Variants in ARL15 observed in about 807,000 individuals in gnomAD.
ARL15 encodes the protein ADP-ribosylation factor-like protein 15.
ARL15 carries 19 observed loss-of-function variants against 25.2 expected under a neutral mutation model. That is an observed-to-expected ratio of 0.75 (90% CI 0.53 to 1.10). The LOEUF (loss-of-function observed/expected upper bound fraction) is 1.10. Among genes scored for constraint, ARL15 ranks in the 50% least tolerant of loss-of-function variants. The pLI is 0.00. For synonymous variants in ARL15, 94 were observed against 86.8 expected (o/e 1.08, Z -0.46); for missense variants, 220 against 246.0 (o/e 0.89, Z 0.71).
chr5:53,956,336 A>G (rs1747153973), intron 4 of ARL15, among the ~76,000 whole-genome samples: 1 of 151,654 alleles, frequency 6.6e-6, no homozygotes, highest in Admixed American at 6.6e-5. Context: ...GAAAAGAAAG[A>G]CTGATTTCCA....
chr5:53,946,636 AT>A (rs1746745421), intron 4 of ARL15, among the ~76,000 whole-genome samples: 1 of 152,118 alleles, frequency 6.6e-6, no homozygotes, highest in Admixed American at 6.5e-5. Context: ...TGAATAGAAG[AT>A]TCCTAGGTAA....
intron 4 of ARL15, among the ~76,000 whole-genome samples, chr5:54,061,295 G>C (rs907212872): frequency 6.6e-6 from 1 of 152,198 alleles, no homozygotes; most frequent in Non-Finnish European, 1.5e-5. Context: ...TGTTGAGCTT[G>C]AGGCTGCATA....
intron 1 of ARL15, among the ~76,000 whole-genome samples, chr5:54,200,756 C>T (rs1579904842): frequency 6.6e-6 from 1 of 152,140 alleles, no homozygotes; most frequent in South Asian, 2.1e-4. Context: ...ACATTTCACC[C>T]TGGCAATAAG....
chr5:54,285,888 G>A (rs1034443964), intron 1 of ARL15, among the ~76,000 whole-genome samples: 4 of 152,132 alleles, frequency 2.6e-5, no homozygotes, highest in African/African-American at 9.7e-5. Flanking sequence ...CAAGGTACAT[G>A]GGAACGCTAA....
chr5:54,130,776 A>G (rs781349122), intron 3 of ARL15, among the ~76,000 whole-genome samples: 3 of 152,238 alleles, frequency 2.0e-5, no homozygotes, highest in Non-Finnish European at 4.4e-5. Flanking sequence ...AGAACCAGGG[A>G]CACAGGTACA....
rs76578235 is a variant in ARL15, at chr5:54,256,132, C to A, written c.48+54300G>T. Among the ~76,000 whole-genome samples the A allele has an allele frequency of 3.6e-3, 552 of 151,556 alleles. 1 individual carries two copies. Among genetic ancestry groups the A allele is most frequent in the African/African-American group, 0.012 (516 of 41,418 alleles). ...AAAAGATTAATAAAACAAATTGGTT[C>A]TCTTAAAAGACAAAACTGATAGACC... is the stretch of plus-strand genomic sequence containing the variant. On this transcript the variant is annotated intron_variant, in intron 1 of 4. Coordinates refer to ENST00000504924, the MANE Select transcript of ARL15 (RefSeq NM_019087.3).
chr5:54,050,567 A>C (rs1750675835), intron 4 of ARL15, among the ~76,000 whole-genome samples: 2 of 152,188 alleles, frequency 1.3e-5, no homozygotes, highest in Admixed American at 6.5e-5. Context: ...TTCTGAATTA[A>C]AGAATTTTGC....
intron 4 of ARL15, among the ~76,000 whole-genome samples, chr5:53,947,322 T>G (rs1746783203): frequency 4.6e-5 from 7 of 151,832 alleles, no homozygotes; most frequent in Admixed American, 4.6e-4. Flanking sequence ...GCATACAGGT[T>G]TCTCCTTTCT....
chr5:54,237,915 C>T (rs780162610), intron 1 of ARL15, among the ~76,000 whole-genome samples: 13 of 152,298 alleles, frequency 8.5e-5, no homozygotes, highest in Non-Finnish European at 1.6e-4. Context: ...AGCAAAGTTG[C>T]ATCCCTACTT....
At chr5:53,969,125 T>G (rs1047741677) in intron 4 of ARL15, among the ~76,000 whole-genome samples, 1 of 152,104 alleles carries the variant, frequency 6.6e-6, no homozygotes, top group African/African-American at 2.4e-5. Flanking sequence ...CACTCCAACC[T>G]GGGTGACAGA....
At chr5:54,158,153 A>G (rs955483208) in intron 2 of ARL15, among the ~76,000 whole-genome samples, 2 of 152,126 alleles carry the variant, frequency 1.3e-5, no homozygotes, top group African/African-American at 4.8e-5. Flanking sequence ...CCATCAAAAT[A>G]CCTTTCTCAA....
intron 4 of ARL15, among the ~76,000 whole-genome samples, chr5:53,980,769 A>T (rs1265387135): frequency 6.6e-6 from 1 of 152,182 alleles, no homozygotes; most frequent in Non-Finnish European, 1.5e-5. Flanking sequence ...ATGTTTAAGG[A>T]AAAGAAAACT....
chr5:54,086,889 C>G (rs562610773), intron 4 of ARL15, among the ~76,000 whole-genome samples: 10 of 152,264 alleles, frequency 6.6e-5, no homozygotes, highest in African/African-American at 2.4e-4. Context: ...AAACATGAAG[C>G]CACATGGGAG....
At chr5:54,092,112 A>G (rs1375978988) in intron 4 of ARL15, among the ~76,000 whole-genome samples, 1 of 151,176 alleles carries the variant, frequency 6.6e-6, no homozygotes, top group East Asian at 1.9e-4. Context: ...TGGAATCTAT[A>G]CACGTTCGTT....
At chr5:54,049,014 G>GA (rs1008335789) in intron 4 of ARL15, among the ~76,000 whole-genome samples, 4 of 151,852 alleles carry the variant, frequency 2.6e-5, no homozygotes, top group Non-Finnish European at 5.9e-5. Flanking sequence ...TGTATAATTG[G>GA]AAAAAAACTA....
intron 2 of ARL15, among the ~76,000 whole-genome samples, chr5:54,162,256 G>A (rs1283424082): frequency 6.6e-6 from 1 of 151,938 alleles, no homozygotes; most frequent in Non-Finnish European, 1.5e-5. Context: ...TGAACACACA[G>A]GTCCAAACAC....
chr5:54,223,709 G>C (rs1176395346), intron 1 of ARL15, among the ~76,000 whole-genome samples: 3 of 152,158 alleles, frequency 2.0e-5, no homozygotes, highest in African/African-American at 7.2e-5. Context: ...AACTTACTAT[G>C]TATCAATCAA....
At position 53,992,379 on chromosome 5, in the gene ARL15, G is replaced by C. The variant is rs530621302; in HGVS notation, c.463-105666C>G. On this transcript the variant is annotated intron_variant, in intron 4 of 4. Coordinates refer to ENST00000504924, the MANE Select transcript of ARL15 (RefSeq NM_019087.3). ...GTCATAACACTTCAATACCTGCTCA[G>C]TATACATATAACACACACAGAGGAA... is the stretch of plus-strand genomic sequence containing the variant. Among the ~76,000 whole-genome samples, 45 of 152,220 alleles carry C rather than the reference G, an allele frequency of 3.0e-4. 1 individual carries two copies. The highest frequency in any genetic ancestry group is 9.9e-4 in the African/African-American group (41 of 41,540).
intron 1 of ARL15, among the ~76,000 whole-genome samples, chr5:54,277,322 CAA>C (rs762192694): frequency 1.3e-4 from 20 of 152,200 alleles, no homozygotes; most frequent in Admixed American, 9.2e-4. Flanking sequence ...TAGGTACAAG[CAA>C]ATCTTGTAAC....
Sources: gnomAD v4.1 joint callset for allele counts (sites outside exome capture counted in the v4.1 genomes callset) on GRCh38, gnomAD v4.1.1 for gene constraint, MANE v1.5 for transcripts, NCBI Gene and HGNC (gene_info 2026-07-23, HGNC 2026-07-21) for gene names.